The following CSMD1 variants were observed in gnomAD, a reference collection of about 807,000 sequenced individuals.
CSMD1 encodes CUB and sushi domain-containing protein 1.
In CSMD1, 213 loss-of-function variants were observed where a neutral mutation model predicts 417.5. The ratio of observed to expected loss-of-function variants is 0.51; its 90% CI spans 0.46 to 0.57. CSMD1 has a LOEUF of 0.57. CSMD1 is among the 20% of genes least tolerant of loss of function. The pLI, the probability that CSMD1 is intolerant of heterozygous loss-of-function variation, is 0.00. For synonymous variants in CSMD1, 2,862 were observed against 1,736.8 expected (o/e 1.65, Z -16.11); for missense variants, 6,923 against 4,529.7 (o/e 1.53, Z -15.17).
At chr8:3,757,299 T>C (rs376773234) in intron 5 of CSMD1, among the ~76,000 whole-genome samples, 6 of 152,332 alleles carry the variant, frequency 3.9e-5, no homozygotes, top group Middle Eastern at 3.4e-3. Context: ...TCAGGCTTTA[T>C]GGGTCACATG....
intron 27 of CSMD1, among the ~76,000 whole-genome samples, chr8:3,228,303 T>A (rs905715290): frequency 2.6e-5 from 4 of 152,244 alleles, no homozygotes; most frequent in Non-Finnish European, 5.9e-5. Context: ...CTAATTATAA[T>A]TAACTCATGC....
chr8:4,696,271 A>G (rs1400359485), intron 1 of CSMD1, among the ~76,000 whole-genome samples: 1 of 152,234 alleles, frequency 6.6e-6, no homozygotes, highest in African/African-American at 2.4e-5. Flanking sequence ...GTTGCAGAAA[A>G]TCAAAAGTAC....
At chr8:4,942,587 T>C (rs1342819140) in intron 1 of CSMD1, among the ~76,000 whole-genome samples, 1 of 152,272 alleles carries the variant, frequency 6.6e-6, no homozygotes, top group Non-Finnish European at 1.5e-5. Context: ...TTCACTCTAA[T>C]GACTAAGTCA....
rs192805329 is a variant in CSMD1, at chr8:4,587,531, G to A, written c.302+49811C>T. 2.5e-3 allele frequency among the ~76,000 whole-genome samples: 378 copies of A among 152,032 alleles called. 4 individuals are homozygous for A. Among genetic ancestry groups the A allele is most frequent in the African/African-American group, 8.2e-3 (341 of 41,448 alleles). On this transcript the variant is annotated intron_variant, in intron 2 of 69. Transcript: ENST00000635120. ...CACACATGAATTTCTCCTTGTCCAA[G>A]TGTCTAACACCTAAGGAAATTTATT...
At chr8:4,776,435 C>T (rs897819422) in intron 1 of CSMD1, among the ~76,000 whole-genome samples, 5 of 152,060 alleles carry the variant, frequency 3.3e-5, no homozygotes, top group African/African-American at 4.8e-5. Flanking sequence ...TCTTCGGATC[C>T]TCATGTTATA....
chr8:4,044,534 C>T (rs1478970126), intron 3 of CSMD1, among the ~76,000 whole-genome samples: 2 of 152,208 alleles, frequency 1.3e-5, no homozygotes, highest in African/African-American at 4.8e-5. Context: ...GAGCAGGACA[C>T]TTCATTCCAT....
At chr8:3,973,673 G>A (rs889383006) in intron 5 of CSMD1, among the ~76,000 whole-genome samples, 4 of 152,120 alleles carry the variant, frequency 2.6e-5, no homozygotes, top group African/African-American at 9.7e-5. Flanking sequence ...CAGTATCCTT[G>A]GTACTGGCAA....
chr8:3,394,784 T>C (rs1811586265), intron 17 of CSMD1, among the ~76,000 whole-genome samples: 1 of 152,198 alleles, frequency 6.6e-6, no homozygotes, highest in African/African-American at 2.4e-5. Context: ...AATTTCCTGG[T>C]TCTTAAATTT....
chr8:4,975,561 A>C (rs1286411075), intron 1 of CSMD1, among the ~76,000 whole-genome samples: 1 of 152,204 alleles, frequency 6.6e-6, no homozygotes, highest in South Asian at 2.1e-4. Flanking sequence ...GAAGGTCCCA[A>C]AACTGGAATA....
In CSMD1 at chr8:3,096,988, G is replaced by C. The variant is rs768062762; in HGVS notation, c.6999C>G (p.Leu2333=). 6.4e-7 allele frequency: 1 copy of C among 1,555,982 alleles called. No individual in the cohort carries two copies. The highest frequency in any genetic ancestry group is 8.7e-7 in the Non-Finnish European group (1 of 1,149,006). Residue 2333 remains leucine (L), a synonymous_variant, in exon 47 of 70, where the codon CTC becomes CTG. Transcript: ENST00000635120. ...AATAATTACCCGGATACCCTGGACT[G>C]AGAATGACTCCCGATGATCCAGTCC... ...EVRTGSSGVI[L]SPGYPGNYFN...
At position 4,419,970 on chromosome 8, in the gene CSMD1, A is replaced by T. The variant is rs1797154758; in HGVS notation, c.398T>A (p.Phe133Tyr). 6.3e-7 allele frequency: 1 copy of T among 1,580,762 alleles called. No homozygotes were observed. The highest frequency in any genetic ancestry group is 1.2e-5 in the South Asian group (1 of 86,134). ...TCTCCTACCTTCATATAATGCTTTG[A>T]AACCTTGGGCACTCACAGCGAAGTC... ...TTDFAVSAQG[F>Y]KALYEVLPSH... The change falls in exon 3 of 70, where the codon TTC becomes TAC. Residue 133 changes from phenylalanine to tyrosine, a missense_variant. Phe to Tyr is a conservative substitution (Grantham distance 22). Coordinates refer to ENST00000635120, the MANE Select transcript of CSMD1 (RefSeq NM_033225.6).
chr8:3,639,232 G>C (rs971275006), intron 7 of CSMD1, among the ~76,000 whole-genome samples: 2 of 152,300 alleles, frequency 1.3e-5, no homozygotes, highest in African/African-American at 4.8e-5. Flanking sequence ...TGTTGGACTA[G>C]TCCATTGACA....
At chr8:4,909,440 G>A (rs775745067) in intron 1 of CSMD1, among the ~76,000 whole-genome samples, 16 of 152,096 alleles carry the variant, frequency 1.1e-4, no homozygotes, top group Non-Finnish European at 2.2e-4. Flanking sequence ...AAGGCTAAAG[G>A]GGTCTGTCTG....
At chr8:3,539,445 T>A (rs2117556215) in intron 10 of CSMD1, among the ~76,000 whole-genome samples, 1 of 152,284 alleles carries the variant, frequency 6.6e-6, no homozygotes, top group Non-Finnish European at 1.5e-5. Context: ...TGATGACAGT[T>A]GGGTTTATGT....
At chr8:3,537,756 G>A (rs1400243950) in intron 10 of CSMD1, among the ~76,000 whole-genome samples, 1 of 152,030 alleles carries the variant, frequency 6.6e-6, no homozygotes, top group African/African-American at 2.4e-5. Flanking sequence ...TTTTATTTAG[G>A]ACAGTAAAAC....
chr8:4,131,111 C>G (rs913829536), intron 3 of CSMD1, among the ~76,000 whole-genome samples: 1 of 152,124 alleles, frequency 6.6e-6, no homozygotes. Context: ...AAAAGGAGAA[C>G]CACTGCTTAT....
chr8:4,439,997 G>A (rs57564166), intron 2 of CSMD1, among the ~76,000 whole-genome samples: 28,733 of 151,958 alleles, frequency 0.19, 2,775 homozygotes, highest in East Asian at 0.31. Context: ...TAGACATGGG[G>A]GGTATACACT....
intron 26 of CSMD1, among the ~76,000 whole-genome samples, chr8:3,269,347 T>C (rs1801667063): frequency 6.6e-6 from 1 of 152,228 alleles, no homozygotes; most frequent in Admixed American, 6.5e-5. Context: ...ACGCTTGTCT[T>C]GTGCTGCCCT....
intron 3 of CSMD1, among the ~76,000 whole-genome samples, chr8:4,104,839 C>T (rs904124361): frequency 3.3e-5 from 5 of 152,148 alleles, no homozygotes; most frequent in African/African-American, 1.2e-4. Context: ...GAGATCAAAG[C>T]CTCTGAGTGC....
Sources: gnomAD v4.1 joint callset for allele counts (sites outside exome capture counted in the v4.1 genomes callset) on GRCh38, gnomAD v4.1.1 for gene constraint, MANE v1.5 for transcripts, NCBI Gene and HGNC (gene_info 2026-07-23, HGNC 2026-07-21) for gene names.